NAE1: variants seen among roughly 807,000 people sequenced by gnomAD.
NAE1 encodes the protein NEDD8-activating enzyme E1 regulatory subunit.
In NAE1, 59 loss-of-function variants were observed where a neutral mutation model predicts 88.0. That is an observed-to-expected ratio of 0.67 (90% CI 0.54 to 0.83). The LOEUF (loss-of-function observed/expected upper bound fraction) is 0.83, where lower values mean the gene tolerates loss of function less well. NAE1 is among the 40% of genes least tolerant of loss of function. NAE1 has a pLI of 0.00. For missense variants in NAE1, 554 were observed against 632.8 expected, an observed-to-expected ratio of 0.88 and a Z score of 1.34; for synonymous variants, 186 against 208.9, an observed-to-expected ratio of 0.89 and a Z score of 0.95.
chr16:66,808,554 C>T lies in NAE1; in HGVS notation c.1297G>A (p.Asp433Asn), dbSNP rs1195958512. The T allele has an allele frequency of 1.9e-6, 3 of 1,604,986 alleles. No individual in the cohort carries two copies. The highest frequency in any genetic ancestry group is 2.6e-6 in the Non-Finnish European group (3 of 1,174,268). Reference protein sequence around the residue: ...IVLYLMLRAVDRFHKQQGRYP... With the variant: ...IVLYLMLRAVNRFHKQQGRYP... ...CTACCCTGTTGTTTATGAAATCTATCAACAGCCCGTAACATTAAGTACAAC... is the reference window on the plus strand; with the variant it reads ...CTACCCTGTTGTTTATGAAATCTATTAACAGCCCGTAACATTAAGTACAAC... Residue 433 changes from aspartate to asparagine, a missense_variant, in exon 17 of 20, where the codon GAT becomes AAT. Physicochemically the swap from Asp to Asn is conservative, Grantham distance 23. Coordinates refer to ENST00000290810, the MANE Select transcript of NAE1 (RefSeq NM_003905.4).
chr16:66,816,511 A>G, intron 11 of NAE1, 70 bp downstream of exon 11: 3 of 1,074,424 alleles, frequency 2.8e-6, no homozygotes, highest in Non-Finnish European at 4.3e-6. Flanking sequence ...CATTATAGTC[A>G]ACCATTTAAT....
rs768134587 is a variant in NAE1 at position 66,821,557 on chromosome 16, G to C, written c.404C>G (p.Thr135Ser). The change falls in exon 7 of 20, where the codon ACT becomes AGT. Residue 135 changes from threonine (T) to serine (S), a missense_variant and splice_region_variant. Physicochemically the swap from Thr to Ser is moderately conservative, Grantham distance 58. Coordinates refer to ENST00000290810, the MANE Select transcript of NAE1 (RefSeq NM_003905.4). ...GAGGACATCTGCTAAGCGTAGTGAA[G>C]TGCTGTTTAAAAAAAAAAAGCAAAA... ...VVVATQLPESTSLRLADVLWN... is the reference protein window; with the variant it reads ...VVVATQLPESSSLRLADVLWN... 1 of 1,562,736 alleles carries C rather than the reference G, an allele frequency of 6.4e-7. No individual in the cohort carries two copies. Among genetic ancestry groups the C allele is most frequent in the Non-Finnish European group, 8.6e-7 (1 of 1,161,992 alleles).
At chr16:66,830,756 AAGGCCCGACCGCGCCGCCCGCGCCCTT>A (rs1316785650) in intron 1 of NAE1, 64 bp downstream of exon 1, 27 of 1,262,346 alleles carry the variant, frequency 2.1e-5, no homozygotes, top group South Asian at 1.2e-4. Flanking sequence ...AGGCCTGAGG[AAGGCCCGACCGCGCCGCCCGCGCCCTT>A]AGGCCCGGCC....
At chr16:66,807,664 A>C (rs865924475) in intron 17 of NAE1, among the ~76,000 whole-genome samples, 1 of 152,040 alleles carries the variant, frequency 6.6e-6, no homozygotes. Context: ...AAAGACTATA[A>C]ACTCTGGAGA....
At chr16:66,817,555 C>A in intron 8 of NAE1, 68 bp from the exon 9 acceptor site, 1 of 989,226 alleles carries the variant, frequency 1.0e-6, no homozygotes, top group Non-Finnish European at 1.5e-6. Context: ...ATCTCGTTTT[C>A]AACAAATTCA....
chr16:66,824,890 A>G lies in NAE1; in HGVS notation c.219-5T>C. On this transcript the variant is annotated splice_polypyrimidine_tract_variant and splice_region_variant and intron_variant, in intron 3 of 19. Transcript: ENST00000290810. The stretch of plus-strand genomic sequence containing the variant: ...CTGCTTCTTTGAAGGAAGAAACTAA[A>G]GTGAACAGAATAAAGGAAAAAAAAG... The G allele has an allele frequency of 6.2e-7, 1 of 1,609,104 alleles. No individual in the cohort carries two copies. Among genetic ancestry groups the G allele is most frequent in the Non-Finnish European group, 8.5e-7 (1 of 1,177,332 alleles).
rs536517014 is a variant in NAE1, at chr16:66,823,657, C to A, written c.250-57G>T. 6.2e-5 allele frequency: 86 copies of A among 1,396,442 alleles called. No homozygotes were observed. In the East Asian group the frequency reaches 1.9e-3, roughly 31 times the overall value. 86.5% of individuals were successfully genotyped at this position (1,396,442 alleles called of 1,614,324 possible). A position where few individuals can be genotyped will look rare whatever the true frequency, so the allele number is the denominator to read the frequency against. On this transcript the variant is annotated intron_variant, in intron 4 of 19. Coordinates refer to ENST00000290810, the MANE Select transcript of NAE1 (RefSeq NM_003905.4). ...AGAAAAAACTTGGTCACAATATAAT[C>A]CCCCAATTTATGGAACAGGCAAACA... is the stretch of plus-strand genomic sequence containing the variant.
chr16:66,816,880 G>A lies in NAE1; in HGVS notation c.748+85C>T, dbSNP rs1044656904. ...GCTCATGATGCTATCATCTGACAAA[G>A]GTGTTAACAGAAATCCAATAAGTAC... On this transcript the variant is annotated intron_variant, in intron 10 of 19. Coordinates refer to ENST00000290810, the MANE Select transcript of NAE1 (RefSeq NM_003905.4). 41 of 1,532,368 alleles carry A rather than the reference G, an allele frequency of 2.7e-5. No individual in the cohort carries two copies. The Admixed American group carries it at 2.8e-4, about 11-fold the overall frequency. 94.9% of individuals were successfully genotyped at this position (1,532,368 alleles called of 1,614,324 possible). A position where few individuals can be genotyped will look rare whatever the true frequency, so the allele number is the denominator to read the frequency against.
At chr16:66,811,092 T>C (rs1597039894) in intron 13 of NAE1, among the ~76,000 whole-genome samples, 1 of 152,320 alleles carries the variant, frequency 6.6e-6, no homozygotes, top group Admixed American at 6.5e-5. Context: ...CTGAAGAACA[T>C]GACTTATCTC....
At chr16:66,821,156 T>C (rs562473720) in intron 7 of NAE1, among the ~76,000 whole-genome samples, 11 of 152,304 alleles carry the variant, frequency 7.2e-5, no homozygotes, top group Admixed American at 7.2e-4. Context: ...TCCACAGCCA[T>C]ACATGCCCAA....
In NAE1 at chr16:66,808,537, T is replaced by A; in HGVS notation, c.1314A>T (p.Gln438His). 6.3e-7 allele frequency: 1 copy of A among 1,584,200 alleles called. No homozygotes were observed. Among genetic ancestry groups the A allele is most frequent in the South Asian group, 1.1e-5 (1 of 89,736 alleles). ...TATTCTTACCTGGATATCTACCCTG[T>A]TGTTTATGAAATCTATCAACAGCCC... Reference protein sequence around the residue: ...MLRAVDRFHKQQGRYPGVSNY... With the variant: ...MLRAVDRFHKHQGRYPGVSNY... The change falls in exon 17 of 20, where the codon CAA becomes CAT. Residue 438 changes from glutamine (Q) to histidine (H), a missense_variant. Transcript: ENST00000290810.
intron 6 of NAE1, among the ~76,000 whole-genome samples, chr16:66,822,143 G>T (rs1030857052): frequency 3.9e-5 from 6 of 152,158 alleles, no homozygotes; most frequent in Admixed American, 2.6e-4. Flanking sequence ...TGGAATTACA[G>T]GCATGAGTCA....
In NAE1 at chr16:66,828,619, T is replaced by G. The variant is rs1423373633; in HGVS notation, c.54-1839A>C. On this transcript the variant is annotated intron_variant, in intron 1 of 19. Transcript: ENST00000290810. ...AGCCCAGGAGATCAAGGCTGTGGTG[T>G]GCCAATAATCATACCTGCGAACAGC... Among the ~76,000 whole-genome samples, 5 of 145,406 alleles carry G rather than the reference T, an allele frequency of 3.4e-5. No individual in the cohort carries two copies. In the East Asian group the frequency reaches 8.1e-4, roughly 24 times the overall value.
At chr16:66,807,543 G>A (rs1006240195) in intron 17 of NAE1, among the ~76,000 whole-genome samples, 3 of 152,074 alleles carry the variant, frequency 2.0e-5, no homozygotes, top group Non-Finnish European at 4.4e-5. Context: ...GGGAGGCTGA[G>A]GCAGGAAAAC....
chr16:66,822,809 A>G (rs1960322709), intron 6 of NAE1, among the ~76,000 whole-genome samples: 1 of 150,014 alleles, frequency 6.7e-6, no homozygotes, highest in South Asian at 2.1e-4. Context: ...AGCTGGGACT[A>G]TAGGCGTGAG....
At chr16:66,824,696 T>TA (rs1278826944) in intron 4 of NAE1, 159 bp downstream of exon 4, 10 of 627,094 alleles carry the variant, frequency 1.6e-5, no homozygotes, top group Non-Finnish European at 2.7e-5. Flanking sequence ...TCTAAGTTCT[T>TA]AAACTACCAA....
chr16:66,822,046 T>C (rs1234664837), intron 6 of NAE1, among the ~76,000 whole-genome samples: 2 of 152,102 alleles, frequency 1.3e-5, no homozygotes, highest in African/African-American at 4.8e-5. Context: ...TTTGTAGTTT[T>C]TGTAGACACA....
In NAE1 at chr16:66,808,531, ACCCTGTT is replaced by A. The variant is rs1202620171; in HGVS notation, c.1313_1319del (p.Gln438LeufsTer15). On this transcript the variant is annotated frameshift_variant, in exon 17 of 20. Transcript: ENST00000290810. LOFTEE classifies it high-confidence loss of function. Reference sequence around the variant, plus strand: ...AATTGCTATTCTTACCTGGATATCTACCCTGTTGTTTATGAAATCTATCAACAGCCCG... The same window carrying A: ...AATTGCTATTCTTACCTGGATATCTAGTTTATGAAATCTATCAACAGCCCG... 1 of 1,572,566 alleles carries A rather than the reference ACCCTGTT, an allele frequency of 6.4e-7. No homozygotes were observed. Among genetic ancestry groups the A allele is most frequent in the Non-Finnish European group, 8.7e-7 (1 of 1,145,372 alleles).
intron 6 of NAE1, 66 bp from the exon 7 acceptor site, chr16:66,821,625 G>T: frequency 7.5e-7 from 1 of 1,330,926 alleles, no homozygotes; most frequent in Non-Finnish European, 1.0e-6. Flanking sequence ...ATGAAAACAT[G>T]CAAAACATGA....
Sources: gnomAD v4.1 joint callset for allele counts (sites outside exome capture counted in the v4.1 genomes callset) on GRCh38, gnomAD v4.1.1 for gene constraint, MANE v1.5 for transcripts, NCBI Gene and HGNC (gene_info 2026-07-23, HGNC 2026-07-21) for gene names.